Variants in CACHD1 observed in about 807,000 individuals in gnomAD.
CACHD1 encodes the protein cache domain containing 1.
Under a neutral mutation model 138.7 loss-of-function variants are expected in CACHD1, and 71 were observed. The observed-to-expected ratio is 0.51, with a 90% CI of 0.42 to 0.62. CACHD1 has a LOEUF of 0.62. CACHD1 is among the 20% of genes least tolerant of loss of function. The probability of loss-of-function intolerance (pLI) is 0.00; values close to 1 mark genes in which losing one functional copy is unlikely to be tolerated. For synonymous variants in CACHD1, 578 were observed against 591.5 expected, an observed-to-expected ratio of 0.98 and a Z score of 0.33; for missense variants, 1,389 against 1,625.3, an observed-to-expected ratio of 0.85 and a Z score of 2.50.
At chr1:64,688,386 C>T (rs1570487463) in intron 26 of CACHD1, among the ~76,000 whole-genome samples, 1 of 152,126 alleles carries the variant, frequency 6.6e-6, no homozygotes, top group Non-Finnish European at 1.5e-5. Flanking sequence ...GCTGAGAAAC[C>T]TATTCTGGCT....
At chr1:64,600,445 G>C (rs537949127) in intron 3 of CACHD1, among the ~76,000 whole-genome samples, 1 of 152,150 alleles carries the variant, frequency 6.6e-6, no homozygotes, top group Non-Finnish European at 1.5e-5. Context: ...GAAGTAGCTA[G>C]ACTTTTAGTA....
At chr1:64,504,939 A>G (rs1646359984) in intron 1 of CACHD1, among the ~76,000 whole-genome samples, 1 of 152,150 alleles carries the variant, frequency 6.6e-6, no homozygotes, top group African/African-American at 2.4e-5. Flanking sequence ...AGAAATGGTG[A>G]TAGTTTTTGT....
intron 2 of CACHD1, among the ~76,000 whole-genome samples, chr1:64,572,764 G>A (rs1378284623): frequency 1.3e-5 from 2 of 152,104 alleles, no homozygotes; most frequent in East Asian, 1.9e-4. Flanking sequence ...TGACCCTGGA[G>A]CCCAGACAGC....
rs2100673592 is a variant in CACHD1, at chr1:64,648,133, T to G, written c.1390+99T>G. On this transcript the variant is annotated intron_variant, in intron 9 of 26. Coordinates refer to ENST00000651257, the MANE Select transcript of CACHD1 (RefSeq NM_020925.4). ...GGATCATAGGGTTTCTTAGCACCCC[T>G]GCCACCTGTCCTATATCTCTGTATT... 5.8e-6 allele frequency: 5 copies of G among 863,546 alleles called. No individual in the cohort carries two copies. The South Asian group carries it at 6.5e-5, about 11-fold the overall frequency. The allele number at this position is 863,546 out of a possible 1,614,324, so 53.5% of individuals were successfully genotyped here.
chr1:64,623,264 T>G (rs1321489632), intron 4 of CACHD1, among the ~76,000 whole-genome samples: 1 of 151,966 alleles, frequency 6.6e-6, no homozygotes, highest in Non-Finnish European at 1.5e-5. Flanking sequence ...GAGCTGGGCA[T>G]GGTGACGGGT....
chr1:64,611,065 C>T (rs905073550), intron 4 of CACHD1, among the ~76,000 whole-genome samples: 3 of 152,212 alleles, frequency 2.0e-5, no homozygotes, highest in African/African-American at 7.2e-5. Flanking sequence ...TGTGCCTTGG[C>T]CCCTTTTAGC....
At position 64,482,669 on chromosome 1, in the gene CACHD1, C is replaced by G. The variant is rs193016508; in HGVS notation, c.198+11727C>G. 3.9e-5 allele frequency among the ~76,000 whole-genome samples: 6 copies of G among 152,278 alleles called. No individual in the cohort carries two copies. In the East Asian group the frequency reaches 1.2e-3, roughly 29 times the overall value. On this transcript the variant is annotated intron_variant, in intron 1 of 26. Coordinates refer to ENST00000651257, the MANE Select transcript of CACHD1 (RefSeq NM_020925.4). The stretch of plus-strand genomic sequence containing the variant: ...ATTTATGAAAAGGGGAAATTTGCCA[C>G]TTCTGTAGTCTTCAGGGGGGTTAGC...
intron 1 of CACHD1, among the ~76,000 whole-genome samples, chr1:64,488,175 TA>T (rs1048374062): frequency 1.2e-4 from 19 of 152,358 alleles, no homozygotes; most frequent in African/African-American, 4.1e-4. Flanking sequence ...ATGATTTTTA[TA>T]AATGATTTTT....
intron 3 of CACHD1, among the ~76,000 whole-genome samples, chr1:64,590,742 G>A (rs897623042): frequency 2.0e-5 from 3 of 152,138 alleles, no homozygotes; most frequent in East Asian, 1.9e-4. Flanking sequence ...TCATTTCTAA[G>A]AAGAGGCAAG....
At chr1:64,539,511 T>C (rs948114209) in intron 1 of CACHD1, among the ~76,000 whole-genome samples, 2 of 152,214 alleles carry the variant, frequency 1.3e-5, no homozygotes, top group East Asian at 1.9e-4. Context: ...ATCATAATTA[T>C]TGGCTTCAGG....
intron 16 of CACHD1, among the ~76,000 whole-genome samples, chr1:64,666,554 G>C (rs536415811): frequency 6.6e-6 from 1 of 152,124 alleles, no homozygotes; most frequent in Admixed American, 6.5e-5. Context: ...TTGCCAGAGA[G>C]TGTTTCCCAA....
intron 3 of CACHD1, among the ~76,000 whole-genome samples, chr1:64,597,524 GT>G (rs34162933): frequency 0.66 from 52,696 of 80,398 alleles, 17,607 homozygotes; most frequent in Non-Finnish European, 0.78. Flanking sequence ...TTTTTTTGTT[GT>G]TTTTTTTTTT....
At chr1:64,590,588 G>A (rs1474955936) in intron 3 of CACHD1, among the ~76,000 whole-genome samples, 1 of 152,086 alleles carries the variant, frequency 6.6e-6, no homozygotes, top group Non-Finnish European at 1.5e-5. Context: ...CCTGTACTTA[G>A]CTCTTTAGGA....
chr1:64,675,951 G>T lies in CACHD1; in HGVS notation c.2943G>T (p.Glu981Asp). 1 of 1,475,726 alleles carries T rather than the reference G, an allele frequency of 6.8e-7. No homozygotes were observed. Among genetic ancestry groups the T allele is most frequent in the Non-Finnish European group, 9.1e-7 (1 of 1,104,792 alleles). The allele number at this position is 1,475,726 out of a possible 1,614,324, so 91.4% of individuals were successfully genotyped here. ...CPCECPLEVN[E>D]CTGNLTNAEN... is the part of the protein sequence containing the mutation. Reference sequence around the variant, plus strand: ...GTGAGTGCCCTCTAGAGGTCAATGAGTGCACTGGCAACCTCACCAATGCAG... The same window carrying T: ...GTGAGTGCCCTCTAGAGGTCAATGATTGCACTGGCAACCTCACCAATGCAG... The change falls in exon 21 of 27, where the codon GAG becomes GAT. Residue 981 changes from glutamate (E) to aspartate (D), a missense_variant. Physicochemically the swap from Glu to Asp is conservative, Grantham distance 45 (BLOSUM62 2). This residue lies in a region of CACHD1 where 250 missense variants were observed against 292.9 expected (regional missense o/e 0.85). Coordinates refer to ENST00000651257, the MANE Select transcript of CACHD1 (RefSeq NM_020925.4).
chr1:64,477,631 T>TA (rs1484170097), intron 1 of CACHD1, among the ~76,000 whole-genome samples: 21 of 126,880 alleles, frequency 1.7e-4, no homozygotes, highest in African/African-American at 6.4e-4. Flanking sequence ...ATTATTTTAT[T>TA]TTATTTTTTT....
rs756310166 is a variant in CACHD1 at position 64,679,666 on chromosome 1, T to G, written c.3316T>G (p.Cys1106Gly). 39 of 1,614,092 alleles carry G rather than the reference T, an allele frequency of 2.4e-5. No individual in the cohort carries two copies. The Middle Eastern group carries it at 1.6e-3, about 68-fold the overall frequency. Residue 1106 changes from cysteine (C) to glycine (G), a missense_variant, in exon 24 of 27, where the codon TGC (cysteine) becomes GGC (glycine). Around this residue, in one of 5 missense-constraint regions of CACHD1, gnomAD observed 250 missense variants for 292.9 expected, o/e 0.85. Coordinates refer to ENST00000651257, the MANE Select transcript of CACHD1 (RefSeq NM_020925.4). ...TCCTGTGGCTGGAGGGATCATGGGA[T>G]GCATCATGGTCTTGGTCCTGGCGGT... ...VGPVAGGIMG[C>G]IMVLVLAVYA... is the part of the protein sequence containing the mutation.
intron 4 of CACHD1, chr1:64,613,544 G>A (rs1248013058): frequency 1.3e-5 from 2 of 152,098 alleles, no homozygotes; most frequent in Admixed American, 1.3e-4. Context: ...TAAAAGTCAG[G>A]CTCTCATTGC....
intron 7 of CACHD1, among the ~76,000 whole-genome samples, chr1:64,638,783 C>T (rs549607829): frequency 1.2e-4 from 18 of 152,214 alleles, no homozygotes; most frequent in Non-Finnish European, 2.2e-4. Flanking sequence ...CCTGTAATTG[C>T]TTGCCCCTAA....
chr1:64,568,241 A>C (rs1646898293), intron 2 of CACHD1, among the ~76,000 whole-genome samples: 1 of 152,190 alleles, frequency 6.6e-6, no homozygotes, highest in Non-Finnish European at 1.5e-5. Flanking sequence ...GAAAAACTGC[A>C]GCTGTTGGAC....
Sources: allele counts gnomAD v4.1 joint callset (sites outside exome capture counted in the v4.1 genomes callset), GRCh38; gene constraint gnomAD v4.1.1; regional missense constraint gnomAD v4.1.1; transcripts MANE v1.5; gene names NCBI Gene and HGNC (gene_info 2026-07-23, HGNC 2026-07-21).